The following GRB14 variants were observed in gnomAD, a reference collection of about 807,000 sequenced individuals.
GRB14 encodes the protein growth factor receptor bound protein 14.
A neutral mutation model predicts 69.1 loss-of-function variants in GRB14; 38 were observed. That is an observed-to-expected ratio of 0.55 (90% CI 0.42 to 0.72). The LOEUF (loss-of-function observed/expected upper bound fraction) is 0.72. Among genes scored for constraint, GRB14 ranks in the 30% least tolerant of loss-of-function variants. The pLI is 0.00. For synonymous variants in GRB14, 247 were observed against 241.3 expected (o/e 1.02, Z -0.22); for missense variants, 666 against 666.1 (o/e 1.00, Z 0.00).
intron 6 of GRB14, among the ~76,000 whole-genome samples, chr2:164,514,912 G>A (rs533546032): frequency 6.6e-6 from 1 of 152,124 alleles, no homozygotes; most frequent in Non-Finnish European, 1.5e-5. Context: ...CTGCACAGGA[G>A]CTGCGTGAGG....
rs556167925 is a variant in GRB14 at position 164,603,693 on chromosome 2, G to A, written c.324+15994C>T. ...AAAAATATATATATATTAACTCGACGAAAAAATATTCAGGACAGAGAGGGA... is the reference window on the plus strand; with the variant it reads ...AAAAATATATATATATTAACTCGACAAAAAAATATTCAGGACAGAGAGGGA... On this transcript the variant is annotated intron_variant, in intron 2 of 13. Coordinates refer to ENST00000263915, the MANE Select transcript of GRB14 (RefSeq NM_004490.3). Among the ~76,000 whole-genome samples, 716 of 148,266 alleles carry A rather than the reference G, an allele frequency of 4.8e-3. 8 individuals carry two copies. The highest frequency in any genetic ancestry group is 7.4e-3 in the Non-Finnish European group (501 of 67,292).
chr2:164,531,129 T>C lies in GRB14; in HGVS notation c.482-3994A>G, dbSNP rs548356750. ...ACATCAAGGTTCTCAGCCTTAGCAC[T>C]TGGAAGGATGTGTTACCAGTAATAA... is the stretch of plus-strand genomic sequence containing the variant. On this transcript the variant is annotated intron_variant, in intron 3 of 13. Coordinates refer to ENST00000263915, the MANE Select transcript of GRB14 (RefSeq NM_004490.3). Among the ~76,000 whole-genome samples, 4 of 152,298 alleles carry C rather than the reference T, an allele frequency of 2.6e-5. No homozygotes were observed. In the East Asian group the frequency reaches 5.8e-4, roughly 22 times the overall value.
intron 2 of GRB14, among the ~76,000 whole-genome samples, chr2:164,555,425 A>T (rs527517803): frequency 6.6e-6 from 1 of 152,272 alleles, no homozygotes; most frequent in East Asian, 1.9e-4. Context: ...GCATGGATTA[A>T]ACATAAAACA....
intron 9 of GRB14, among the ~76,000 whole-genome samples, chr2:164,502,010 C>CAT (rs1687065165): frequency 6.6e-6 from 1 of 151,642 alleles, no homozygotes; most frequent in Non-Finnish European, 1.5e-5. Context: ...AAAACTTTAA[C>CAT]ATATACTATT....
At chr2:164,518,741 C>T (rs756587844) in intron 6 of GRB14, among the ~76,000 whole-genome samples, 26 of 151,972 alleles carry the variant, frequency 1.7e-4, no homozygotes, top group Admixed American at 1.2e-3. Flanking sequence ...ACTATGAACA[C>T]CTTTATGCAT....
chr2:164,546,906 T>A (rs1398033661), intron 3 of GRB14, among the ~76,000 whole-genome samples: 1 of 152,128 alleles, frequency 6.6e-6, no homozygotes, highest in African/African-American at 2.4e-5. Flanking sequence ...CCCCTGGCCA[T>A]GGGTCCCTAG....
chr2:164,585,065 CTTCATACCACCATGCCTGGCT>C (rs1689503700), intron 2 of GRB14, among the ~76,000 whole-genome samples: 15 of 143,042 alleles, frequency 1.0e-4, no homozygotes, highest in South Asian at 6.7e-4. Flanking sequence ...GCCTCAGCCC[CTTCATACCACCATGCCTGGCT>C]TTTTTTTTTT....
Position 164,508,727 on chromosome 2 carries a change from A to C in GRB14, c.927+15T>G. ...AGGCTTGCTTTATTCATCTATCAAAATATTAAGCCTGTACCTTAAAGCAGA... is the reference window on the plus strand; with the variant it reads ...AGGCTTGCTTTATTCATCTATCAAACTATTAAGCCTGTACCTTAAAGCAGA... On this transcript the variant is annotated intron_variant, in intron 7 of 13. Transcript: ENST00000263915. 1 of 1,558,984 alleles carries C rather than the reference A, an allele frequency of 6.4e-7. No homozygotes were observed.
chr2:164,541,659 C>T (rs1688242556), intron 3 of GRB14, among the ~76,000 whole-genome samples: 1 of 151,650 alleles, frequency 6.6e-6, no homozygotes, highest in Non-Finnish European at 1.5e-5. Context: ...AGATACTATG[C>T]CCTTCCCTTT....
At chr2:164,601,560 C>G (rs1689914785) in intron 2 of GRB14, among the ~76,000 whole-genome samples, 1 of 152,146 alleles carries the variant, frequency 6.6e-6, no homozygotes, top group African/African-American at 2.4e-5. Context: ...CAAGTCCTGG[C>G]TCTCTCAGGC....
At chr2:164,540,069 A>G (rs998224102) in intron 3 of GRB14, among the ~76,000 whole-genome samples, 2 of 152,110 alleles carry the variant, frequency 1.3e-5, no homozygotes, top group African/African-American at 4.8e-5. Context: ...ACCCTACACG[A>G]TCTGGTCCTG....
chr2:164,608,644 A>G (rs185038711), intron 2 of GRB14, among the ~76,000 whole-genome samples: 1 of 151,974 alleles, frequency 6.6e-6, no homozygotes, highest in Non-Finnish European at 1.5e-5. Flanking sequence ...GGGGAGTATG[A>G]TGAAGTGCTA....
chr2:164,588,407 C>T (rs763153026), intron 2 of GRB14, among the ~76,000 whole-genome samples: 15 of 152,224 alleles, frequency 9.9e-5, no homozygotes, highest in East Asian at 7.7e-4. Context: ...CTTAAATCAA[C>T]GGACCATCTG....
At chr2:164,528,176 C>T (rs777458429) in intron 3 of GRB14, among the ~76,000 whole-genome samples, 1 of 152,006 alleles carries the variant, frequency 6.6e-6, no homozygotes, top group African/African-American at 2.4e-5. Flanking sequence ...GGGGCATGAA[C>T]GGAATCACTG....
chr2:164,498,463 T>C (rs1244458942), intron 9 of GRB14, among the ~76,000 whole-genome samples: 1 of 152,130 alleles, frequency 6.6e-6, no homozygotes, highest in East Asian at 1.9e-4. Flanking sequence ...AGAAAGACCA[T>C]TGTCAAAATC....
At chr2:164,517,265 G>C (rs1687516080) in intron 6 of GRB14, among the ~76,000 whole-genome samples, 2 of 151,976 alleles carry the variant, frequency 1.3e-5, no homozygotes, top group African/African-American at 4.8e-5. Flanking sequence ...GAATAGCATG[G>C]GAATGACCTG....
At position 164,565,014 on chromosome 2, in the gene GRB14, C is replaced by CA. The variant is rs201015416; in HGVS notation, c.325-17199dup. Among the ~76,000 whole-genome samples, 976 of 152,094 alleles carry CA rather than the reference C, an allele frequency of 6.4e-3. 8 individuals are homozygous for CA. Among genetic ancestry groups the CA allele is most frequent in the African/African-American group, 0.022 (929 of 41,500 alleles). On this transcript the variant is annotated intron_variant, in intron 2 of 13. Coordinates refer to ENST00000263915, the MANE Select transcript of GRB14 (RefSeq NM_004490.3). Reference sequence around the variant, plus strand: ...TGGGTGACAGAGCAAGACTCAATCTCAAAAAACAAACAAATAAACAAACAA... The same window carrying CA: ...TGGGTGACAGAGCAAGACTCAATCTCAAAAAAACAAACAAATAAACAAACAA...
At chr2:164,612,574 T>G (rs1690193045) in intron 2 of GRB14, among the ~76,000 whole-genome samples, 1 of 152,252 alleles carries the variant, frequency 6.6e-6, no homozygotes, top group Admixed American at 6.5e-5. Context: ...TTCTCAGGTC[T>G]GCTTACCACC....
intron 8 of GRB14, among the ~76,000 whole-genome samples, chr2:164,507,481 T>C (rs1202074141): frequency 1.3e-5 from 2 of 152,308 alleles, no homozygotes; most frequent in Middle Eastern, 3.4e-3. Flanking sequence ...ATTATATATA[T>C]CTAATACACA....
Sources: gnomAD v4.1 joint callset for allele counts (sites outside exome capture counted in the v4.1 genomes callset) on GRCh38, gnomAD v4.1.1 for gene constraint, MANE v1.5 for transcripts, NCBI Gene and HGNC (gene_info 2026-07-23, HGNC 2026-07-21) for gene names.